TAFA5: variants seen among roughly 807,000 people sequenced by gnomAD.
TAFA5 encodes the protein TAFA chemokine like family member 5.
In TAFA5, 6 loss-of-function variants were observed where a neutral mutation model predicts 15.3. The ratio of observed to expected loss-of-function variants is 0.39; its 90% CI spans 0.21 to 0.77. The LOEUF (loss-of-function observed/expected upper bound fraction) is 0.77, where lower values mean the gene tolerates loss of function less well. Ranked by LOEUF, TAFA5 falls within the 30% of genes least tolerant of loss-of-function variation. The pLI is 0.41. For synonymous variants in TAFA5, 103 were observed against 80.7 expected (o/e 1.28, Z -1.48); for missense variants, 161 against 193.1 (o/e 0.83, Z 0.98).
At chr22:48,629,840 G>T (rs1601627229) in intron 1 of TAFA5, among the ~76,000 whole-genome samples, 1 of 152,246 alleles carries the variant, frequency 6.6e-6, no homozygotes, top group Non-Finnish European at 1.5e-5. Flanking sequence ...ACAGCCCCCT[G>T]GATGGGAGAG....
At chr22:48,613,476 CTTCT>C (rs1925486142) in intron 1 of TAFA5, among the ~76,000 whole-genome samples, 2 of 152,320 alleles carry the variant, frequency 1.3e-5, no homozygotes, top group South Asian at 4.1e-4. Flanking sequence ...TCTGTTTGTC[CTTCT>C]GACATTCTTC....
rs1927841356 is a variant in TAFA5 at position 48,672,760 on chromosome 22, A to C, written c.262+26014A>C. ...ACACCTTTGGGCACTTTGCATGGGAAGTTCAGATTTAGCTCAGGGAATTTT... is the reference window on the plus strand; with the variant it reads ...ACACCTTTGGGCACTTTGCATGGGACGTTCAGATTTAGCTCAGGGAATTTT... On this transcript the variant is annotated intron_variant, in intron 2 of 3. Transcript: ENST00000402357. 2.0e-5 allele frequency among the ~76,000 whole-genome samples: 3 copies of C among 152,196 alleles called. No individual in the cohort carries two copies. The South Asian group carries it at 6.2e-4, about 31-fold the overall frequency.
chr22:48,702,484 C>T (rs1011267454), intron 2 of TAFA5, among the ~76,000 whole-genome samples: 2 of 152,126 alleles, frequency 1.3e-5, no homozygotes, highest in Admixed American at 6.5e-5. Flanking sequence ...ACGTCCTAAG[C>T]ACCTGCTCCT....
chr22:48,513,610 A>G (rs1185168185), intron 1 of TAFA5, among the ~76,000 whole-genome samples: 5 of 152,252 alleles, frequency 3.3e-5, no homozygotes, highest in African/African-American at 1.2e-4. Flanking sequence ...GACATGGCTA[A>G]GAGAAGCTGA....
chr22:48,669,437 T>C (rs1927731001), intron 2 of TAFA5, among the ~76,000 whole-genome samples: 1 of 152,210 alleles, frequency 6.6e-6, no homozygotes, highest in Admixed American at 6.5e-5. Flanking sequence ...GACCCACTTC[T>C]AGAAGGTCAG....
At chr22:48,656,758 T>C (rs1281561408) in intron 2 of TAFA5, among the ~76,000 whole-genome samples, 2 of 6,976 alleles carry the variant, frequency 2.9e-4, no homozygotes, top group African/African-American at 6.5e-4. Flanking sequence ...GGAGTCTCTT[T>C]TTTTTTTTTT....
chr22:48,694,818 C>A (rs1183750210), intron 2 of TAFA5, among the ~76,000 whole-genome samples: 1 of 37,696 alleles, frequency 2.7e-5, no homozygotes. Context: ...CCCCACCCGC[C>A]GCCGCTCCGA....
intron 1 of TAFA5, among the ~76,000 whole-genome samples, chr22:48,585,065 C>T (rs1924293187): frequency 6.9e-6 from 1 of 144,378 alleles, no homozygotes; most frequent in African/African-American, 2.6e-5. Context: ...AAAAACATCA[C>T]ACACACAGCA....
intron 1 of TAFA5, among the ~76,000 whole-genome samples, chr22:48,605,336 A>ATGGTGATGGCGATGGTGATGATGGTGG (rs1925142979): frequency 3.5e-5 from 1 of 28,616 alleles, no homozygotes. Flanking sequence ...GATGGTGATG[A>ATGGTGATGGCGATGGTGATGATGGTGG]TGGTGATGGC....
At chr22:48,584,434 G>A (rs930373190) in intron 1 of TAFA5, among the ~76,000 whole-genome samples, 3 of 137,994 alleles carry the variant, frequency 2.2e-5, no homozygotes, top group Non-Finnish European at 4.6e-5. Context: ...AATATACTAT[G>A]TAAATACACC....
intron 1 of TAFA5, among the ~76,000 whole-genome samples, chr22:48,542,411 CGTGTGTGGTGTGTAT>C (rs1158185716): frequency 4.8e-5 from 2 of 41,468 alleles, no homozygotes; most frequent in East Asian, 7.6e-4. Context: ...GCGTGTGTGG[CGTGTGTGGTGTGTAT>C]GTGTGTGGTG....
intron 1 of TAFA5, among the ~76,000 whole-genome samples, chr22:48,594,958 C>A (rs375766475): frequency 3.9e-5 from 6 of 151,908 alleles, no homozygotes; most frequent in African/African-American, 1.2e-4. Flanking sequence ...GAGCAGGGTG[C>A]CTGTACCCCT....
intron 1 of TAFA5, among the ~76,000 whole-genome samples, chr22:48,553,034 C>T (rs996683428): frequency 2.0e-5 from 3 of 152,168 alleles, no homozygotes; most frequent in African/African-American, 7.2e-5. Flanking sequence ...TCTTTCACCC[C>T]GAGAGCCCAC....
intron 1 of TAFA5, among the ~76,000 whole-genome samples, chr22:48,580,950 C>A (rs1206290637): frequency 1.3e-5 from 2 of 152,182 alleles, no homozygotes; most frequent in Non-Finnish European, 2.9e-5. Flanking sequence ...GTGCCAGCCC[C>A]ACATGGCAGG....
intron 1 of TAFA5, among the ~76,000 whole-genome samples, chr22:48,585,229 A>G (rs1372926493): frequency 6.6e-6 from 1 of 151,628 alleles, no homozygotes; most frequent in African/African-American, 2.4e-5. Flanking sequence ...AAACCCACAA[A>G]CATACCACAT....
At chr22:48,734,116 C>T (rs1015432970) in intron 3 of TAFA5, among the ~76,000 whole-genome samples, 15 of 152,276 alleles carry the variant, frequency 9.9e-5, no homozygotes, top group Admixed American at 8.5e-4. Flanking sequence ...GATTTAATTA[C>T]AATAAATGCA....
At chr22:48,683,283 C>T (rs1048204707) in intron 2 of TAFA5, among the ~76,000 whole-genome samples, 2 of 152,218 alleles carry the variant, frequency 1.3e-5, no homozygotes, top group Non-Finnish European at 2.9e-5. Context: ...AAAGGCATTA[C>T]ACACAGACGA....
chr22:48,686,424 C>T (rs1433754319), intron 2 of TAFA5, among the ~76,000 whole-genome samples: 3 of 152,226 alleles, frequency 2.0e-5, no homozygotes, highest in African/African-American at 7.2e-5. Flanking sequence ...AGGGGCCTCT[C>T]TCAGGTCCTT....
At chr22:48,685,111 G>A (rs1928314022) in intron 2 of TAFA5, among the ~76,000 whole-genome samples, 1 of 152,220 alleles carries the variant, frequency 6.6e-6, no homozygotes, top group African/African-American at 2.4e-5. Context: ...GATCTCCAAG[G>A]TGGGGGCTTC....
Sources: allele counts gnomAD v4.1 joint callset (sites outside exome capture counted in the v4.1 genomes callset), GRCh38; gene constraint gnomAD v4.1.1; transcripts MANE v1.5; gene names NCBI Gene and HGNC (gene_info 2026-07-23, HGNC 2026-07-21).